The following RGPD3 variants were observed in gnomAD, a reference collection of about 807,000 sequenced individuals.
The protein encoded by RGPD3 is ranBP2-like and GRIP domain-containing protein 3.
Under a neutral mutation model 154.5 loss-of-function variants are expected in RGPD3, and 62 were observed. The ratio of observed to expected loss-of-function variants is 0.40; its 90% CI spans 0.33 to 0.50. The LOEUF (loss-of-function observed/expected upper bound fraction) is 0.50, where lower values mean the gene tolerates loss of function less well. RGPD3 is among the 20% of genes least tolerant of loss of function. The pLI is 0.59. For synonymous variants in RGPD3, 308 were observed against 607.0 expected (o/e 0.51, Z 7.24); for missense variants, 919 against 1,716.8 (o/e 0.54, Z 8.21).
intron 7 of RGPD3, among the ~76,000 whole-genome samples, chr2:106,443,916 A>T (rs1677836241): frequency 6.8e-6 from 1 of 147,366 alleles, no homozygotes; most frequent in Non-Finnish European, 1.5e-5. Flanking sequence ...GGATGGTCTC[A>T]AACTCCTGAC....
In RGPD3 at chr2:106,403,951, C is replaced by G. The variant is rs1462411965; in HGVS notation, c.*1268G>C. On this transcript the variant is annotated 3_prime_UTR_variant, in exon 23 of 23. Coordinates refer to ENST00000409886, the MANE Select transcript of RGPD3 (RefSeq NM_001144013.2). The stretch of plus-strand genomic sequence containing the variant: ...CAGAGAGCATACTATGTGATTAATA[C>G]ATAAATATTAAAAATTATCCAATTT... Among the ~76,000 whole-genome samples, 1 of 152,220 alleles carries G rather than the reference C, an allele frequency of 6.6e-6. No individual in the cohort carries two copies. The highest frequency in any genetic ancestry group is 6.5e-5 in the Admixed American group (1 of 15,280).
rs1464554305 is a variant in RGPD3 at position 106,404,969 on chromosome 2, T to C, written c.*250A>G. ...CATGAGTTAGAGGGCTGTGGCCTGG[T>C]ATCAACACTTCAAGCTGTTGTACTT... On this transcript the variant is annotated 3_prime_UTR_variant, in exon 23 of 23. Transcript: ENST00000409886. 5.0e-6 allele frequency: 3 copies of C among 597,082 alleles called. No individual in the cohort carries two copies. The highest frequency in any genetic ancestry group is 8.9e-6 in the Non-Finnish European group (3 of 336,074). The allele number at this position is 597,082 out of a possible 1,614,324, so 37.0% of individuals were successfully genotyped here.
In RGPD3 at chr2:106,423,852, C is replaced by T. The variant is rs1677086991; in HGVS notation, c.4115G>A (p.Gly1372Asp). The change falls in exon 20 of 23, where the codon GGT becomes GAT. Residue 1372 changes from glycine to aspartate, a missense_variant. Transcript: ENST00000409886. ...ACCAATGCCCCTTTCTTTCCATTGACCAACATCTTTATCATATCTGTAGAA... is the reference window on the plus strand; with the variant it reads ...ACCAATGCCCCTTTCTTTCCATTGATCAACATCTTTATCATATCTGTAGAA... ...AEFYRYDKDV[G>D]QWKERGIGDI... 1.2e-6 allele frequency: 2 copies of T among 1,611,870 alleles called. No homozygotes were observed. The highest frequency in any genetic ancestry group is 1.1e-5 in the South Asian group (1 of 90,984).
intron 20 of RGPD3, among the ~76,000 whole-genome samples, chr2:106,418,130 AC>A (rs1676869551): frequency 6.9e-6 from 1 of 144,556 alleles, no homozygotes; most frequent in South Asian, 2.4e-4. Flanking sequence ...CCAGCTCAAA[AC>A]AAAAAAACAA....
chr2:106,469,742 C>T (rs1240975208), upstream of RGPD3, among the ~76,000 whole-genome samples: 1 of 152,290 alleles, frequency 6.6e-6, no homozygotes, highest in East Asian at 1.9e-4. Flanking sequence ...CAAGGCCTCT[C>T]ATATTAATCC....
chr2:106,445,333 T>C (rs1677881285), intron 7 of RGPD3, among the ~76,000 whole-genome samples: 1 of 151,456 alleles, frequency 6.6e-6, no homozygotes, highest in African/African-American at 2.4e-5. Context: ...TATCAGTTAC[T>C]TGAGAATTTC....
intron 1 of RGPD3, among the ~76,000 whole-genome samples, chr2:106,463,274 A>T (rs1206849584): frequency 4.0e-5 from 6 of 151,878 alleles, no homozygotes; most frequent in Admixed American, 2.6e-4. Context: ...ATTAGTTTCC[A>T]GACCAGCCTG....
In RGPD3 at chr2:106,403,514, A is replaced by G. The variant is rs1676422072; in HGVS notation, c.*1705T>C. Among the ~76,000 whole-genome samples, 2 of 152,342 alleles carry G rather than the reference A, an allele frequency of 1.3e-5. No individual in the cohort carries two copies. The highest frequency in any genetic ancestry group is 4.1e-4 in the South Asian group (2 of 4,828). On this transcript the variant is annotated 3_prime_UTR_variant, in exon 23 of 23. Transcript: ENST00000409886. Reference sequence around the variant, plus strand: ...TGTAATCAATTTTTTATCATGCAAAAAAGTATTTTGTTATGACATTTGTAA... The same window carrying G: ...TGTAATCAATTTTTTATCATGCAAAGAAGTATTTTGTTATGACATTTGTAA...
At chr2:106,426,122 T>C (rs1235148985) in intron 18 of RGPD3, 34 bp from the exon 19 acceptor site, 17 of 1,593,488 alleles carry the variant, frequency 1.1e-5, no homozygotes, top group Non-Finnish European at 1.4e-5. Context: ...GAAAACACTG[T>C]TAAAGTCTAT....
At chr2:106,435,869 A>G (rs1459694097) in intron 12 of RGPD3, among the ~76,000 whole-genome samples, 2 of 152,250 alleles carry the variant, frequency 1.3e-5, no homozygotes, top group African/African-American at 2.4e-5. Flanking sequence ...TTCAGGCTGA[A>G]TAATTATCAG....
At position 106,405,211 on chromosome 2, in the gene RGPD3, G is replaced by C. The variant is rs1676471757; in HGVS notation, c.*8C>G. ...ATAGGATGCCCATCCAGAAGAACGGGAAGCATTTTATTCCTCACCTTTGGA... is the reference window on the plus strand; with the variant it reads ...ATAGGATGCCCATCCAGAAGAACGGCAAGCATTTTATTCCTCACCTTTGGA... On this transcript the variant is annotated 3_prime_UTR_variant, in exon 23 of 23. Coordinates refer to ENST00000409886, the MANE Select transcript of RGPD3 (RefSeq NM_001144013.2). 6.2e-7 allele frequency: 1 copy of C among 1,608,938 alleles called. No individual in the cohort carries two copies. Among genetic ancestry groups the C allele is most frequent in the East Asian group, 2.2e-5 (1 of 44,790 alleles).
intron 17 of RGPD3, among the ~76,000 whole-genome samples, chr2:106,431,458 C>T (rs1372613111): frequency 6.6e-6 from 1 of 152,068 alleles, no homozygotes; most frequent in Non-Finnish European, 1.5e-5. Context: ...AAGTGACTGG[C>T]CCAAGATCAT....
At chr2:106,415,016 G>A (rs866274880) in intron 21 of RGPD3, among the ~76,000 whole-genome samples, 11 of 151,992 alleles carry the variant, frequency 7.2e-5, no homozygotes, top group Non-Finnish European at 1.5e-4. Context: ...ATAAGAACTC[G>A]TCAACAAGCA....
chr2:106,437,707 T>G (rs1289136006), intron 9 of RGPD3, among the ~76,000 whole-genome samples: 2 of 151,990 alleles, frequency 1.3e-5, no homozygotes, highest in African/African-American at 4.8e-5. Flanking sequence ...TATCAGAGTA[T>G]GATTATTAAC....
At chr2:106,430,330 CAAAT>C (rs1462608059) in intron 17 of RGPD3, among the ~76,000 whole-genome samples, 3 of 143,652 alleles carry the variant, frequency 2.1e-5, no homozygotes, top group South Asian at 2.5e-4. Flanking sequence ...CTCACCTAAA[CAAAT>C]AACCTCCTAA....
At chr2:106,432,778 TAAA>T (rs71272785) in intron 17 of RGPD3, among the ~76,000 whole-genome samples, 154 bp downstream of exon 17, 38 of 76,014 alleles carry the variant, frequency 5.0e-4, no homozygotes, top group African/African-American at 8.1e-4. Flanking sequence ...GACCCTGCCT[TAAA>T]AAAAAAAAAA....
At position 106,468,292 on chromosome 2, in the gene RGPD3, G is replaced by T. The variant is rs377396698; in HGVS notation, c.-4C>A. 1.3e-5 allele frequency: 21 copies of T among 1,603,640 alleles called. No homozygotes were observed. Among genetic ancestry groups the T allele is most frequent in the Non-Finnish European group, 1.7e-5 (20 of 1,176,600 alleles). On this transcript the variant is annotated 5_prime_UTR_variant, in exon 1 of 23. Transcript: ENST00000409886. ...CGTAGGCCTTGCTGCAACTCATCGC[G>T]CCACCAACCTGGCTCCCGAGATGCG...
Position 106,424,053 on chromosome 2 carries a change from G to A in RGPD3, c.3914C>T (p.Ser1305Phe), listed in dbSNP as rs754315490. ...SFKSALSLSK[S>F]PAKLNQSGTS... is the part of the protein sequence containing the mutation. ...CCCACTCTGATTCAACTTGGCAGGA[G>A]ACTTAGATAGACTCAAAGCAGATTT... The change falls in exon 20 of 23, where the codon TCT (serine) becomes TTT (phenylalanine). Residue 1305 changes from serine to phenylalanine, a missense_variant. Physicochemically the swap from Ser to Phe is radical, Grantham distance 155 (BLOSUM62 -2). Transcript: ENST00000409886. The A allele has an allele frequency of 6.2e-7, 1 of 1,611,548 alleles. No individual in the cohort carries two copies. Among genetic ancestry groups the A allele is most frequent in the African/African-American group, 1.3e-5 (1 of 74,818 alleles).
chr2:106,405,239 G>T lies in RGPD3; in HGVS notation c.5267-10C>A. The T allele has an allele frequency of 6.2e-7, 1 of 1,601,662 alleles. No individual in the cohort carries two copies. The highest frequency in any genetic ancestry group is 1.1e-5 in the South Asian group (1 of 88,276). ...GCATTTTATTCCTCACCTTTGGAAA[G>T]TAAAACAAAAAAAAAGAAAAAAGAG... is the stretch of plus-strand genomic sequence containing the variant. On this transcript the variant is annotated splice_polypyrimidine_tract_variant and intron_variant, in intron 22 of 22. Coordinates refer to ENST00000409886, the MANE Select transcript of RGPD3 (RefSeq NM_001144013.2).
Sources: allele counts gnomAD v4.1 joint callset (sites outside exome capture counted in the v4.1 genomes callset), GRCh38; gene constraint gnomAD v4.1.1; transcripts MANE v1.5; gene names NCBI Gene and HGNC (gene_info 2026-07-23, HGNC 2026-07-21).